RYR2: variants seen among roughly 807,000 people sequenced by gnomAD.
RYR2 encodes cardiac muscle ryanodine receptor-calcium release channel.
RYR2 carries 227 observed loss-of-function variants against 601.1 expected under a neutral mutation model. That is an observed-to-expected ratio of 0.38 (90% CI 0.34 to 0.42). The LOEUF is 0.42. RYR2 is among the 10% of genes least tolerant of loss of function. The pLI, the probability that RYR2 is intolerant of heterozygous loss-of-function variation, is 1.00. For synonymous variants in RYR2, 2,223 were observed against 2,175.1 expected, an observed-to-expected ratio of 1.02 and a Z score of -0.61; for missense variants, 4,646 against 6,156.5, an observed-to-expected ratio of 0.75 and a Z score of 8.21.
intron 80 of RYR2, among the ~76,000 whole-genome samples, chr1:237,743,277 C>G (rs934823581): frequency 6.6e-6 from 1 of 152,132 alleles, no homozygotes; most frequent in Non-Finnish European, 1.5e-5. Context: ...TTCCAGGATG[C>G]ATTTGTTATG....
chr1:237,428,582 C>T (rs983417109), intron 12 of RYR2, among the ~76,000 whole-genome samples: 2 of 151,524 alleles, frequency 1.3e-5, no homozygotes, highest in African/African-American at 2.4e-5. Flanking sequence ...GAACATCACA[C>T]ACCAGGGCCT....
In RYR2 at chr1:237,423,268, G is replaced by C. The variant is rs374689985; in HGVS notation, c.1005+20G>C. On this transcript the variant is annotated intron_variant, in intron 12 of 104. Transcript: ENST00000366574. ...TCCAAGGTGAGACAGAAAATATTTTGGGTTTCCTATAAATGTTACCCGGTC... is the reference window on the plus strand; with the variant it reads ...TCCAAGGTGAGACAGAAAATATTTTCGGTTTCCTATAAATGTTACCCGGTC... 3.7e-6 allele frequency: 6 copies of C among 1,607,636 alleles called. No homozygotes were observed. Among genetic ancestry groups the C allele is most frequent in the South Asian group, 3.3e-5 (3 of 89,634 alleles).
Position 237,700,211 on chromosome 1 carries a change from C to G in RYR2, c.9129-18C>G, listed in dbSNP as rs780255237. 1.9e-5 allele frequency: 27 copies of G among 1,396,686 alleles called. No individual in the cohort carries two copies. The highest frequency in any genetic ancestry group is 2.6e-5 in the Non-Finnish European group (26 of 1,008,242). 86.5% of individuals were successfully genotyped at this position (1,396,686 alleles called of 1,614,324 possible). On this transcript the variant is annotated intron_variant, in intron 64 of 104. Transcript: ENST00000366574. ...GTTCCTGTTGGAAGATACGAGTCCT[C>G]CCTTATTTACTTTCTAGGACAGTGA...
At chr1:237,530,392 A>G (rs1199513088) in intron 24 of RYR2, 35 bp from the exon 25 acceptor site, 1 of 1,491,990 alleles carries the variant, frequency 6.7e-7, no homozygotes, top group South Asian at 1.2e-5. Context: ...CATAGAGAAG[A>G]AATGATCACA....
chr1:237,342,926 A>G (rs995971654), intron 3 of RYR2, among the ~76,000 whole-genome samples: 1 of 152,202 alleles, frequency 6.6e-6, no homozygotes, highest in Non-Finnish European at 1.5e-5. Flanking sequence ...AGAGAAAAGT[A>G]GGCCAGGCGC....
At chr1:237,646,978 A>G (rs1682229502) in intron 48 of RYR2, among the ~76,000 whole-genome samples, 2 of 152,236 alleles carry the variant, frequency 1.3e-5, no homozygotes. Context: ...GTCTGCTTGG[A>G]TAAGAGCTTA....
chr1:237,811,208 GGAGGA>G (rs1338918401), intron 100 of RYR2, among the ~76,000 whole-genome samples: 1 of 152,138 alleles, frequency 6.6e-6, no homozygotes, highest in African/African-American at 2.4e-5. Flanking sequence ...TCCCTGGCAG[GGAGGA>G]GAGAACAGAA....
chr1:237,084,847 G>T (rs1270837662), intron 1 of RYR2, among the ~76,000 whole-genome samples: 1 of 152,214 alleles, frequency 6.6e-6, no homozygotes, highest in Non-Finnish European at 1.5e-5. Flanking sequence ...GCCCATGCAG[G>T]AAGCATGAAA....
At chr1:237,416,484 A>G (rs985494212) in intron 10 of RYR2, among the ~76,000 whole-genome samples, 2 of 152,176 alleles carry the variant, frequency 1.3e-5, no homozygotes, top group African/African-American at 2.4e-5. Flanking sequence ...GCATCCAAAG[A>G]AATTCCTTTT....
intron 1 of RYR2, among the ~76,000 whole-genome samples, chr1:237,093,788 T>C (rs947437152): frequency 1.3e-5 from 2 of 152,170 alleles, no homozygotes; most frequent in Non-Finnish European, 2.9e-5. Context: ...AAGTTAACAG[T>C]GATGCTTTTC....
chr1:237,424,444 G>C (rs945528567), intron 12 of RYR2, among the ~76,000 whole-genome samples: 1 of 152,024 alleles, frequency 6.6e-6, no homozygotes, highest in Non-Finnish European at 1.5e-5. Flanking sequence ...GTATTCAATC[G>C]CCTTTCCCAT....
In RYR2 at chr1:237,364,363, C is replaced by A. The variant is rs2149727101; in HGVS notation, c.300C>A (p.Phe100Leu). The change falls in exon 5 of 105, where the codon TTC becomes TTA. Residue 100 changes from phenylalanine to leucine, a missense_variant. Phe to Leu is a conservative substitution (Grantham distance 22). Transcript: ENST00000366574. ...TTTTCCTTATGCCCCTACAGAAATT[C>A]ATGATGAAGGTAAGACATCTTAATA... ...EGQVDVEKWK[F>L]MMKTAQGGGH... 14 of 1,570,122 alleles carry A rather than the reference C, an allele frequency of 8.9e-6. No individual in the cohort carries two copies. Among genetic ancestry groups the A allele is most frequent in the South Asian group, 2.3e-5 (2 of 85,992 alleles).
chr1:237,125,631 C>T (rs1420592242), intron 1 of RYR2, among the ~76,000 whole-genome samples: 1 of 152,064 alleles, frequency 6.6e-6, no homozygotes, highest in African/African-American at 2.4e-5. Context: ...TGCTAAGTTC[C>T]TCAAATGCGT....
At chr1:237,812,119 A>G (rs1376534397) in intron 100 of RYR2, among the ~76,000 whole-genome samples, 1 of 152,146 alleles carries the variant, frequency 6.6e-6, no homozygotes, top group Admixed American at 6.5e-5. Context: ...CACTGCTATC[A>G]TTCCCATTTT....
At chr1:237,307,551 T>C (rs1693999952) in intron 2 of RYR2, among the ~76,000 whole-genome samples, 1 of 152,266 alleles carries the variant, frequency 6.6e-6, no homozygotes, top group South Asian at 2.1e-4. Flanking sequence ...CATATATTCA[T>C]TGGCTTATCT....
chr1:237,770,909 C>T, intron 85 of RYR2, 22 bp downstream of exon 85: 3 of 1,428,898 alleles, frequency 2.1e-6, no homozygotes, highest in Non-Finnish European at 2.9e-6. Context: ...CCCGGAACTT[C>T]TGATGATACT....
At chr1:237,191,494 A>C (rs150682982) in intron 1 of RYR2, among the ~76,000 whole-genome samples, 162 of 151,176 alleles carry the variant, frequency 1.1e-3, no homozygotes, top group African/African-American at 3.7e-3. Flanking sequence ...TGACTGTCTT[A>C]GATTTTATCG....
chr1:237,595,556 G>C lies in RYR2; in HGVS notation c.4495G>C (p.Gly1499Arg), dbSNP rs868009903. 1 of 1,613,568 alleles carries C rather than the reference G, an allele frequency of 6.2e-7. No individual in the cohort carries two copies. Among genetic ancestry groups the C allele is most frequent in the Non-Finnish European group, 8.5e-7 (1 of 1,179,752 alleles). Residue 1499 changes from glycine to arginine, a missense_variant, in exon 34 of 105, where the codon GGA becomes CGA. Gly to Arg is a moderately radical substitution (Grantham distance 125). Transcript: ENST00000366574. ...CAGESMSPGQ[G>R]RNNNGLEIGC... ...GGGTGAGAGCATGAGCCCCGGGCAA[G>C]GACGCAACAATAATGGACTGGAGAT...
At chr1:237,829,209 C>T (rs1663500245) in intron 102 of RYR2, among the ~76,000 whole-genome samples, 1 of 152,252 alleles carries the variant, frequency 6.6e-6, no homozygotes, top group South Asian at 2.1e-4. Context: ...GCAGAGCAGC[C>T]AGATGATCAG....
Sources: gnomAD v4.1 joint callset for allele counts (sites outside exome capture counted in the v4.1 genomes callset) on GRCh38, gnomAD v4.1.1 for gene constraint, MANE v1.5 for transcripts, NCBI Gene and HGNC (gene_info 2026-07-23, HGNC 2026-07-21) for gene names.